RNGTT: variants seen among roughly 807,000 people sequenced by gnomAD.
RNGTT encodes RNA guanylyltransferase and 5'-phosphatase.
In RNGTT, 33 loss-of-function variants were observed where a neutral mutation model predicts 79.3. That is an observed-to-expected ratio of 0.42 (90% CI 0.32 to 0.56). The LOEUF is 0.56. Ranked by LOEUF, RNGTT falls within the 20% of genes least tolerant of loss-of-function variation. RNGTT has a pLI of 0.17. For missense variants in RNGTT, 497 were observed against 739.1 expected (o/e 0.67, Z 3.80); for synonymous variants, 222 against 235.9 (o/e 0.94, Z 0.54).
At chr6:88,820,837 G>A (rs1780474070) in intron 11 of RNGTT, among the ~76,000 whole-genome samples, 1 of 152,124 alleles carries the variant, frequency 6.6e-6, no homozygotes, top group Non-Finnish European at 1.5e-5. Flanking sequence ...GACAGCACAT[G>A]TTCATAGATA....
chr6:88,899,890 A>G (rs1471658404), intron 6 of RNGTT, among the ~76,000 whole-genome samples: 1 of 152,178 alleles, frequency 6.6e-6, no homozygotes, highest in African/African-American at 2.4e-5. Flanking sequence ...TTAATTCCCC[A>G]CACTTTCAAT....
chr6:88,820,565 G>A (rs1210924030), intron 11 of RNGTT, among the ~76,000 whole-genome samples: 1 of 152,140 alleles, frequency 6.6e-6, no homozygotes, highest in Non-Finnish European at 1.5e-5. Context: ...GAACTAATAA[G>A]CAATTATAGC....
chr6:88,689,366 G>A (rs964089334), intron 13 of RNGTT, among the ~76,000 whole-genome samples: 1 of 152,090 alleles, frequency 6.6e-6, no homozygotes, highest in African/African-American at 2.4e-5. Flanking sequence ...TTGGGAGGTG[G>A]GCAGATCACC....
intron 14 of RNGTT, among the ~76,000 whole-genome samples, chr6:88,666,134 A>G (rs1195807423): frequency 2.0e-5 from 3 of 152,200 alleles, no homozygotes; most frequent in Non-Finnish European, 4.4e-5. Context: ...GGGGGGTGAC[A>G]TGGAACCATT....
At chr6:88,927,246 G>A (rs554217955) in intron 4 of RNGTT, among the ~76,000 whole-genome samples, 99 of 152,204 alleles carry the variant, frequency 6.5e-4, no homozygotes, top group Non-Finnish European at 1.3e-3. Flanking sequence ...TAATTGGGCA[G>A]GCATGGTGGT....
chr6:88,759,231 T>G (rs1028997468), intron 13 of RNGTT, among the ~76,000 whole-genome samples: 1 of 152,254 alleles, frequency 6.6e-6, no homozygotes, highest in East Asian at 1.9e-4. Flanking sequence ...CACCTTCAAG[T>G]TGGCTCCTGC....
intron 11 of RNGTT, among the ~76,000 whole-genome samples, chr6:88,802,167 G>A (rs1037432754): frequency 2.0e-5 from 3 of 152,120 alleles, no homozygotes; most frequent in African/African-American, 7.2e-5. Context: ...TTGCTTGGGG[G>A]CAAGAATTTG....
intron 8 of RNGTT, among the ~76,000 whole-genome samples, chr6:88,881,386 TGCTTGAAGTCTATTTTCATC>T (rs1234185547): frequency 3.9e-5 from 6 of 152,178 alleles, no homozygotes; most frequent in Admixed American, 6.5e-5. Context: ...TTTTATCAAA[TGCTTGAAGTCTATTTTCATC>T]AAAATCCCAA....
intron 13 of RNGTT, among the ~76,000 whole-genome samples, chr6:88,683,732 T>C (rs1775173737): frequency 6.6e-6 from 1 of 152,106 alleles, no homozygotes; most frequent in Admixed American, 6.6e-5. Flanking sequence ...ATAAACAAGT[T>C]TGCTTGGCAT....
intron 12 of RNGTT, among the ~76,000 whole-genome samples, chr6:88,778,632 GGGTGCAATCCATTGCA>G (rs1479726239): frequency 2.1e-4 from 32 of 152,196 alleles, no homozygotes; most frequent in South Asian, 2.1e-3. Context: ...CTGAGACGAA[GGGTGCAATCCATTGCA>G]CCCAGCTCAA....
chr6:88,860,205 T>A (rs932323953), intron 8 of RNGTT, among the ~76,000 whole-genome samples: 2 of 152,210 alleles, frequency 1.3e-5, no homozygotes, highest in Non-Finnish European at 2.9e-5. Context: ...TAATTCAATA[T>A]GCTATTTACT....
intron 12 of RNGTT, among the ~76,000 whole-genome samples, chr6:88,796,509 A>G (rs1268403677): frequency 6.6e-6 from 1 of 152,234 alleles, no homozygotes; most frequent in African/African-American, 2.4e-5. Context: ...AAAAAGACAA[A>G]GTGATGAGCC....
intron 13 of RNGTT, among the ~76,000 whole-genome samples, chr6:88,680,279 T>C (rs1775042010): frequency 6.6e-6 from 1 of 152,188 alleles, no homozygotes; most frequent in African/African-American, 2.4e-5. Context: ...TCTGTGATGC[T>C]AGGTGGTATA....
At chr6:88,765,728 CTA>C (rs1054487087) in intron 13 of RNGTT, among the ~76,000 whole-genome samples, 1 of 152,126 alleles carries the variant, frequency 6.6e-6, no homozygotes, top group African/African-American at 2.4e-5. Context: ...GGCCAATAAC[CTA>C]TGTTCTTAAC....
intron 11 of RNGTT, among the ~76,000 whole-genome samples, chr6:88,831,185 C>A (rs1181875482): frequency 1.3e-5 from 2 of 152,130 alleles, no homozygotes; most frequent in Non-Finnish European, 2.9e-5. Context: ...ATGCAAAAAT[C>A]CCCAATAAAA....
At chr6:88,891,583 G>A (rs1422665279) in intron 7 of RNGTT, among the ~76,000 whole-genome samples, 1 of 152,024 alleles carries the variant, frequency 6.6e-6, no homozygotes, top group Non-Finnish European at 1.5e-5. Context: ...ACTAGACAGT[G>A]AAAACAAGAA....
At position 88,904,746 on chromosome 6, in the gene RNGTT, A is replaced by G; in HGVS notation, c.653T>C (p.Phe218Ser). 6.2e-7 allele frequency: 1 copy of G among 1,613,914 alleles called. No homozygotes were observed. The highest frequency in any genetic ancestry group is 8.5e-7 in the Non-Finnish European group (1 of 1,179,966). ...TAACCGTTCTTTTCTCCTTTTGCCA[A>G]AAGAAGCACTTGACCCGGGTTCTGA... ...KESEPGSSASFGKRRKERLKL... is the reference protein window; with the variant it reads ...KESEPGSSASSGKRRKERLKL... The change falls in exon 6 of 16, where the codon TTT (phenylalanine) becomes TCT (serine). Residue 218 changes from phenylalanine to serine, a missense_variant. Physicochemically the swap from Phe to Ser is radical, Grantham distance 155 (BLOSUM62 -2). Transcript: ENST00000369485.
Position 88,612,743 on chromosome 6 carries a change from G to A in RNGTT, c.1770C>T (p.Pro590=). The A allele has an allele frequency of 6.2e-7, 1 of 1,605,108 alleles. No individual in the cohort carries two copies. Among genetic ancestry groups the A allele is most frequent in the South Asian group, 1.1e-5 (1 of 90,888 alleles). ...PDTELMPPPP[P]KRPRPLT ...CTTAGGTTAAAGGGCGTGGTCTTTT[G>A]GGAGGTGGTGGTGGCATGAGCTCCG... is the stretch of plus-strand genomic sequence containing the variant. Residue 590 remains proline (P), a synonymous_variant, in exon 16 of 16, where the codon CCC becomes CCT. Coordinates refer to ENST00000369485, the MANE Select transcript of RNGTT (RefSeq NM_003800.5).
chr6:88,676,349 T>G (rs1415591076), intron 14 of RNGTT, among the ~76,000 whole-genome samples: 1 of 151,326 alleles, frequency 6.6e-6, no homozygotes, highest in Non-Finnish European at 1.5e-5. Context: ...TGGAAAAAAA[T>G]ATGTTTGAGA....
Sources: allele counts gnomAD v4.1 joint callset (sites outside exome capture counted in the v4.1 genomes callset), GRCh38; gene constraint gnomAD v4.1.1; transcripts MANE v1.5; gene names NCBI Gene and HGNC (gene_info 2026-07-23, HGNC 2026-07-21).